DMRT1: variants seen among roughly 807,000 people sequenced by gnomAD.
The protein encoded by DMRT1 is doublesex and mab-3 related transcription factor 1.
In DMRT1, 7 loss-of-function variants were observed where a neutral mutation model predicts 32.3. The ratio of observed to expected loss-of-function variants is 0.22; its 90% confidence interval spans 0.12 to 0.41. DMRT1 has a LOEUF of 0.41. Ranked by LOEUF, DMRT1 falls within the 10% of genes least tolerant of loss-of-function variation. The pLI, the probability that DMRT1 is intolerant of heterozygous loss-of-function variation, is 1.00. For missense variants in DMRT1, 625 were observed against 500.5 expected (o/e 1.25, Z -2.37); for synonymous variants, 278 against 206.1 (o/e 1.35, Z -2.99).
chr9:902,158 C>G lies in DMRT1; in HGVS notation c.822+7963C>G, dbSNP rs974856903. 1.3e-5 allele frequency among the ~76,000 whole-genome samples: 2 copies of G among 151,874 alleles called. 1 individual carries two copies. ...CTCCTGACCTCAGGTGATCCGCCCC[C>G]CTCAGCCTCCCAAAGTGCTGGGATT... On this transcript the variant is annotated intron_variant, in intron 3 of 4. Coordinates refer to ENST00000382276, the MANE Select transcript of DMRT1 (RefSeq NM_021951.3).
At chr9:922,342 G>C (rs1416746904) in intron 4 of DMRT1, among the ~76,000 whole-genome samples, 1 of 152,170 alleles carries the variant, frequency 6.6e-6, no homozygotes, top group East Asian at 1.9e-4. Flanking sequence ...TGGAGGGTTG[G>C]CTTATATAAG....
intron 4 of DMRT1, among the ~76,000 whole-genome samples, chr9:942,593 A>T (rs533394746): frequency 2.0e-5 from 3 of 152,258 alleles, no homozygotes; most frequent in Admixed American, 1.3e-4. Context: ...TTTAAACTTG[A>T]TATAAAATTG....
chr9:843,078 G>A (rs1389073560), intron 1 of DMRT1: 1 of 152,204 alleles, frequency 6.6e-6, no homozygotes, highest in African/African-American at 2.4e-5. Context: ...CCGCGCCTTG[G>A]GAGCAGAGGG....
intron 2 of DMRT1, among the ~76,000 whole-genome samples, chr9:874,801 CTTTTTTT>C (rs71327354): frequency 1.3e-5 from 1 of 76,948 alleles, no homozygotes; most frequent in South Asian, 5.5e-4. Context: ...ACAAGTTAAT[CTTTTTTT>C]TTTTTTTTTT....
chr9:842,561 C>T (rs1288990584), intron 1 of DMRT1, among the ~76,000 whole-genome samples: 1 of 152,176 alleles, frequency 6.6e-6, no homozygotes, highest in East Asian at 1.9e-4. Context: ...GAATGAAGTC[C>T]CCCCAGCATG....
chr9:892,142 G>A (rs1187905721), intron 2 of DMRT1, among the ~76,000 whole-genome samples: 1 of 152,172 alleles, frequency 6.6e-6, no homozygotes. Flanking sequence ...TTGTCTGTTG[G>A]TCTTTTCTAG....
intron 4 of DMRT1, among the ~76,000 whole-genome samples, chr9:943,407 G>C (rs1376527518): frequency 2.0e-5 from 3 of 152,216 alleles, no homozygotes; most frequent in Non-Finnish European, 4.4e-5. Context: ...TCACAGGGAG[G>C]TGAGGTGATG....
At chr9:898,362 C>T (rs527330078) in intron 3 of DMRT1, among the ~76,000 whole-genome samples, 76 of 152,298 alleles carry the variant, frequency 5.0e-4, no homozygotes, top group Non-Finnish European at 8.7e-4. Context: ...TCAAGTGATC[C>T]GCCCACTCGG....
At chr9:858,205 G>A (rs1815487378) in intron 2 of DMRT1, among the ~76,000 whole-genome samples, 1 of 152,212 alleles carries the variant, frequency 6.6e-6, no homozygotes, top group Admixed American at 6.5e-5. Flanking sequence ...TCCTTCATGT[G>A]GCCAGTGGGA....
chr9:890,227 G>A (rs1042353231), intron 2 of DMRT1, among the ~76,000 whole-genome samples: 1 of 151,894 alleles, frequency 6.6e-6, no homozygotes, highest in African/African-American at 2.4e-5. Context: ...GATTACAGGC[G>A]TGAGCCACCG....
At chr9:943,714 C>T (rs997929105) in intron 4 of DMRT1, among the ~76,000 whole-genome samples, 3 of 152,102 alleles carry the variant, frequency 2.0e-5, no homozygotes, top group African/African-American at 7.2e-5. Flanking sequence ...TTGGAAATAA[C>T]GTGTTAAAGA....
chr9:885,806 C>T (rs760044020), intron 2 of DMRT1, among the ~76,000 whole-genome samples: 4 of 152,140 alleles, frequency 2.6e-5, no homozygotes, highest in Non-Finnish European at 5.9e-5. Context: ...CCCAGCACTT[C>T]CCTGCCCACT....
intron 4 of DMRT1, among the ~76,000 whole-genome samples, chr9:951,520 C>T (rs764785142): frequency 6.6e-6 from 1 of 152,176 alleles, no homozygotes; most frequent in Non-Finnish European, 1.5e-5. Flanking sequence ...TTTGCCCTGC[C>T]CCTAAAGATG....
intron 3 of DMRT1, among the ~76,000 whole-genome samples, chr9:897,323 A>T (rs1304922381): frequency 6.6e-6 from 1 of 151,422 alleles, no homozygotes; most frequent in Non-Finnish European, 1.5e-5. Flanking sequence ...TCACCATGTT[A>T]GCCAGGATGG....
At chr9:856,725 G>C (rs557176617) in intron 2 of DMRT1, among the ~76,000 whole-genome samples, 2 of 152,152 alleles carry the variant, frequency 1.3e-5, no homozygotes, top group African/African-American at 2.4e-5. Flanking sequence ...TTGAATGAAT[G>C]TATGTTTCAT....
chr9:957,494 G>A (rs918813126), intron 4 of DMRT1, among the ~76,000 whole-genome samples: 5 of 152,168 alleles, frequency 3.3e-5, no homozygotes, highest in African/African-American at 1.2e-4. Flanking sequence ...GCCCTAATGT[G>A]AACCATTCCT....
chr9:877,338 CT>C (rs1389696713), intron 2 of DMRT1, among the ~76,000 whole-genome samples: 1 of 152,200 alleles, frequency 6.6e-6, no homozygotes. Flanking sequence ...TCTCACCCCC[CT>C]GGAGGGTGCA....
intron 4 of DMRT1, among the ~76,000 whole-genome samples, chr9:919,338 C>T (rs1333975719): frequency 1.5e-5 from 2 of 137,262 alleles, no homozygotes; most frequent in East Asian, 4.6e-4. Flanking sequence ...TCTCTGTCAT[C>T]TAAAAAAATG....
intron 2 of DMRT1, among the ~76,000 whole-genome samples, chr9:855,245 C>G (rs1815347677): frequency 6.6e-6 from 1 of 152,138 alleles, no homozygotes; most frequent in Non-Finnish European, 1.5e-5. Context: ...ACCTACTTGT[C>G]TACCTTTGAC....
Sources: gnomAD v4.1 joint callset for allele counts (sites outside exome capture counted in the v4.1 genomes callset) on GRCh38, gnomAD v4.1.1 for gene constraint, MANE v1.5 for transcripts, NCBI Gene and HGNC (gene_info 2026-07-23, HGNC 2026-07-21) for gene names.